Variants in FAM169A observed in about 807,000 individuals in gnomAD.
The protein encoded by FAM169A is family with sequence similarity 169 member A.
FAM169A carries 24 observed loss-of-function variants against 75.7 expected under a neutral mutation model. That is an observed-to-expected ratio of 0.32 (90% CI 0.23 to 0.45). The LOEUF is 0.45. Among genes scored for constraint, FAM169A ranks in the 20% least tolerant of loss-of-function variants. FAM169A has a pLI of 1.00. For missense variants in FAM169A, 673 were observed against 784.0 expected, an observed-to-expected ratio of 0.86 and a Z score of 1.69; for synonymous variants, 271 against 271.0, an observed-to-expected ratio of 1.00 and a Z score of 0.00.
At chr5:74,851,242 C>CAGT (rs1554053371) in intron 1 of FAM169A, among the ~76,000 whole-genome samples, 20 of 152,332 alleles carry the variant, frequency 1.3e-4, no homozygotes, top group Admixed American at 8.5e-4. Context: ...CTCCTTCCTC[C>CAGT]AGTAGCTCAC....
At chr5:74,823,702 G>A (rs989525863) in intron 5 of FAM169A, among the ~76,000 whole-genome samples, 2 of 152,140 alleles carry the variant, frequency 1.3e-5, no homozygotes, top group Admixed American at 6.5e-5. Context: ...CCTCAACAAA[G>A]CAGCCATCTC....
intron 11 of FAM169A, among the ~76,000 whole-genome samples, chr5:74,793,572 G>A (rs538922258): frequency 2.1e-4 from 32 of 152,202 alleles, no homozygotes; most frequent in South Asian, 1.2e-3. Context: ...GGTAGGAGGC[G>A]GGTGAGGGAT....
At chr5:74,858,231 C>G (rs948072895) in intron 1 of FAM169A, among the ~76,000 whole-genome samples, 8 of 151,648 alleles carry the variant, frequency 5.3e-5, no homozygotes, top group Non-Finnish European at 8.8e-5. Context: ...ACTAAAAATG[C>G]AAAAAAATTA....
intron 10 of FAM169A, among the ~76,000 whole-genome samples, chr5:74,797,584 C>A (rs1172469359): frequency 6.6e-6 from 1 of 152,178 alleles, no homozygotes; most frequent in Non-Finnish European, 1.5e-5. Context: ...TCTGTAGATA[C>A]AATAGCCACG....
chr5:74,832,663 A>T (rs548282562), intron 5 of FAM169A, among the ~76,000 whole-genome samples: 1 of 149,356 alleles, frequency 6.7e-6, no homozygotes, highest in Non-Finnish European at 1.5e-5. Flanking sequence ...ACATTTATTT[A>T]TATATATATA....
Position 74,805,141 on chromosome 5 carries a change from T to A in FAM169A, c.799+15A>T. On this transcript the variant is annotated intron_variant, in intron 7 of 12. Coordinates refer to ENST00000687041, the MANE Select transcript of FAM169A (RefSeq NM_001376049.1). ...AAATAAACTGAACTTATGTTCAAACTGAAAACACTCTTACCTAGAATTTTA... is the reference window on the plus strand; with the variant it reads ...AAATAAACTGAACTTATGTTCAAACAGAAAACACTCTTACCTAGAATTTTA... 1 of 1,611,832 alleles carries A rather than the reference T, an allele frequency of 6.2e-7. No individual in the cohort carries two copies. Among genetic ancestry groups the A allele is most frequent in the Non-Finnish European group, 8.5e-7 (1 of 1,178,568 alleles).
At chr5:74,843,700 C>T (rs532884942) in intron 1 of FAM169A, among the ~76,000 whole-genome samples, 36 of 152,314 alleles carry the variant, frequency 2.4e-4, no homozygotes, top group South Asian at 1.9e-3. Context: ...ACTCTCTTCA[C>T]TCAACACTAC....
intron 11 of FAM169A, among the ~76,000 whole-genome samples, chr5:74,795,123 TG>T (rs1479505353): frequency 6.6e-6 from 1 of 151,730 alleles, no homozygotes; most frequent in African/African-American, 2.4e-5. Flanking sequence ...CTGGGTATGG[TG>T]GGGGGAACCT....
chr5:74,863,877 A>G (rs946929358), intron 1 of FAM169A, among the ~76,000 whole-genome samples: 3 of 148,572 alleles, frequency 2.0e-5, no homozygotes, highest in Non-Finnish European at 4.5e-5. Flanking sequence ...TATTTGCTAG[A>G]AAAAAAAAAA....
chr5:74,861,901 G>A (rs1750056668), intron 1 of FAM169A, among the ~76,000 whole-genome samples: 1 of 152,180 alleles, frequency 6.6e-6, no homozygotes, highest in South Asian at 2.1e-4. Flanking sequence ...TGCAAGGCAT[G>A]TCTCATACTC....
intron 5 of FAM169A, among the ~76,000 whole-genome samples, chr5:74,819,792 C>T (rs954124199): frequency 3.9e-5 from 6 of 151,928 alleles, no homozygotes; most frequent in Admixed American, 2.6e-4. Flanking sequence ...AAACAAAAGA[C>T]GCCAGACACA....
intron 2 of FAM169A, 31 bp downstream of exon 2, chr5:74,841,514 G>T (rs371735892): frequency 5.3e-6 from 8 of 1,522,900 alleles, no homozygotes; most frequent in Non-Finnish European, 7.1e-6. Context: ...GAACTGAAAA[G>T]ATTGATGACA....
At chr5:74,838,623 G>A (rs914411054) in intron 4 of FAM169A, among the ~76,000 whole-genome samples, 1 of 152,134 alleles carries the variant, frequency 6.6e-6, no homozygotes, top group African/African-American at 2.4e-5. Flanking sequence ...CAAGTTTCCT[G>A]GTCAGTCTCT....
chr5:74,786,466 T>C (rs1337337231), intron 11 of FAM169A, among the ~76,000 whole-genome samples: 2 of 152,160 alleles, frequency 1.3e-5, no homozygotes, highest in East Asian at 3.9e-4. Context: ...ACTGATAGTC[T>C]TTGGCATGAA....
intron 10 of FAM169A, chr5:74,799,784 C>T: frequency 9.0e-7 from 1 of 1,113,588 alleles, no homozygotes. Context: ...TGGCTGCTGG[C>T]CATGACTGCT....
chr5:74,866,864 G>GCCCCCTCTCTCC (rs1750375787), upstream of FAM169A: 1 of 985,414 alleles, frequency 1.0e-6, no homozygotes, highest in Non-Finnish European at 1.2e-6. Flanking sequence ...GGGGTGCAGA[G>GCCCCCTCTCTCC]GGCACGGGCG....
rs2112723523 is a variant in FAM169A, at chr5:74,854,400, TAA to T, written c.-4+11763_-4+11764del. On this transcript the variant is annotated intron_variant, in intron 1 of 12. Coordinates refer to ENST00000687041, the MANE Select transcript of FAM169A (RefSeq NM_001376049.1). ...ACACAGCGAGACTCCATCTCAAAAA[TAA>T]TAATAATAATAATAATAATCACATC... is the stretch of plus-strand genomic sequence containing the variant. Among the ~76,000 whole-genome samples, 4 of 72,030 alleles carry T rather than the reference TAA, an allele frequency of 5.6e-5. No individual in the cohort carries two copies. The East Asian group carries it at 1.2e-3, about 22-fold the overall frequency. 47.3% of individuals were successfully genotyped at this position (72,030 alleles called of 152,430 possible).
chr5:74,854,999 T>C (rs1561327206), intron 1 of FAM169A, among the ~76,000 whole-genome samples: 2 of 152,204 alleles, frequency 1.3e-5, no homozygotes, highest in African/African-American at 4.8e-5. Context: ...CTGGATTATA[T>C]GGTAGCTCTA....
At chr5:74,821,701 T>C (rs1018420460) in intron 5 of FAM169A, among the ~76,000 whole-genome samples, 1 of 152,234 alleles carries the variant, frequency 6.6e-6, no homozygotes, top group Non-Finnish European at 1.5e-5. Flanking sequence ...AATTAACAGT[T>C]ACACGTTCCT....
Sources: allele counts gnomAD v4.1 joint callset (sites outside exome capture counted in the v4.1 genomes callset), GRCh38; gene constraint gnomAD v4.1.1; transcripts MANE v1.5; gene names NCBI Gene and HGNC (gene_info 2026-07-23, HGNC 2026-07-21).